NUP210L: variants seen among roughly 807,000 people sequenced by gnomAD.
NUP210L encodes the protein nuclear pore membrane glycoprotein 210-like.
In NUP210L, 74 loss-of-function variants were observed where a neutral mutation model predicts 208.5. That is an observed-to-expected ratio of 0.35 (90% CI 0.29 to 0.43). The LOEUF (loss-of-function observed/expected upper bound fraction) is 0.43. Among genes scored for constraint, NUP210L ranks in the 20% least tolerant of loss-of-function variants. The pLI is 1.00. For missense variants in NUP210L, 1,843 were observed against 2,289.4 expected (o/e 0.81, Z 3.98); for synonymous variants, 780 against 816.9 (o/e 0.95, Z 0.77).
At chr1:154,135,063 C>T (rs961091429) in intron 7 of NUP210L, among the ~76,000 whole-genome samples, 3 of 151,852 alleles carry the variant, frequency 2.0e-5, no homozygotes, top group African/African-American at 7.3e-5. Context: ...TTGTTCAATC[C>T]TTGCATAGCA....
intron 7 of NUP210L, among the ~76,000 whole-genome samples, chr1:154,133,232 G>A (rs540620413): frequency 2.0e-5 from 3 of 152,120 alleles, no homozygotes; most frequent in African/African-American, 7.2e-5. Flanking sequence ...TTGTGCCAGT[G>A]TCGCCTCATC....
At chr1:154,107,457 G>C (rs1656824115) in intron 12 of NUP210L, among the ~76,000 whole-genome samples, 1 of 146,366 alleles carries the variant, frequency 6.8e-6, no homozygotes, top group Admixed American at 7.1e-5. Context: ...CTGGACAACA[G>C]AGTGAGACTC....
chr1:154,070,459 C>A lies in NUP210L; in HGVS notation c.2368G>T (p.Val790Leu), dbSNP rs1328214190. Residue 790 changes from valine to leucine, a missense_variant, in exon 17 of 40, where the codon GTA becomes TTA. Transcript: ENST00000368559. ...AGGACTGTGTCCCTCAGTCTTGATA[C>A]AGGAATCTGCATTAAAATAAAAAGT... The A allele has an allele frequency of 7.1e-6, 11 of 1,550,728 alleles. No individual in the cohort carries two copies. The South Asian group carries it at 1.4e-4, about 19-fold the overall frequency.
At chr1:154,068,756 A>G (rs1654541530) in intron 17 of NUP210L, among the ~76,000 whole-genome samples, 1 of 151,090 alleles carries the variant, frequency 6.6e-6, no homozygotes, top group Non-Finnish European at 1.5e-5. Flanking sequence ...ATTCTCACTC[A>G]TAGGTGGGAA....
In NUP210L at chr1:154,001,999, AG is replaced by A; in HGVS notation, c.4931-15del. ...AGACATAAACCCCTGGAAAAAAAAG[AG>A]GAAAAACTGAGCAGGAAGGTTCAGA... On this transcript the variant is annotated splice_polypyrimidine_tract_variant and intron_variant, in intron 35 of 39. Transcript: ENST00000368559. The A allele has an allele frequency of 6.2e-7, 1 of 1,611,380 alleles. No homozygotes were observed. The highest frequency in any genetic ancestry group is 8.5e-7 in the Non-Finnish European group (1 of 1,178,020).
Position 154,108,142 on chromosome 1 carries a change from A to G in NUP210L, c.1621-3932T>C, listed in dbSNP as rs192370074. ...AGTTAAAAAGCAGGGGAATGAAATT[A>G]AAGTGTAGAAGTTTTTGTTTTTGTT... On this transcript the variant is annotated intron_variant, in intron 12 of 39. Transcript: ENST00000368559. Among the ~76,000 whole-genome samples, 5 of 152,124 alleles carry G rather than the reference A, an allele frequency of 3.3e-5. No individual in the cohort carries two copies. The East Asian group carries it at 9.7e-4, about 29-fold the overall frequency.
At chr1:154,025,806 G>T in intron 29 of NUP210L, 90 bp from the exon 30 acceptor site, 1 of 1,128,236 alleles carries the variant, frequency 8.9e-7, no homozygotes, top group Non-Finnish European at 1.3e-6. Context: ...ACTGTTAGGG[G>T]ATGTACTCGA....
intron 24 of NUP210L, 28 bp downstream of exon 24, chr1:154,054,742 A>G: frequency 6.6e-7 from 1 of 1,517,918 alleles, no homozygotes; most frequent in South Asian, 1.1e-5. Flanking sequence ...GAAAAGGTAA[A>G]TCTTATTTTT....
At chr1:154,117,212 G>A (rs1463623847) in intron 12 of NUP210L, among the ~76,000 whole-genome samples, 1 of 152,106 alleles carries the variant, frequency 6.6e-6, no homozygotes, top group Non-Finnish European at 1.5e-5. Flanking sequence ...ATCCTATGAG[G>A]AAACAAACAT....
intron 10 of NUP210L, among the ~76,000 whole-genome samples, chr1:154,119,561 C>T (rs1419895140): frequency 6.6e-6 from 1 of 152,016 alleles, no homozygotes. Context: ...GCACTCCAGC[C>T]TGGGCAACAA....
intron 35 of NUP210L, among the ~76,000 whole-genome samples, chr1:154,006,598 A>G (rs940146745): frequency 4.6e-5 from 7 of 151,042 alleles, no homozygotes; most frequent in Admixed American, 3.3e-4. Context: ...GGTTCAAGCA[A>G]TTCTCCTGCC....
intron 29 of NUP210L, among the ~76,000 whole-genome samples, chr1:154,026,621 T>A (rs1476593213): frequency 6.6e-6 from 1 of 152,096 alleles, no homozygotes; most frequent in African/African-American, 2.4e-5. Flanking sequence ...GGCCTGGGAT[T>A]ACAGGCATGA....
chr1:153,998,308 AT>A (rs1377043940), intron 37 of NUP210L, among the ~76,000 whole-genome samples: 2 of 152,128 alleles, frequency 1.3e-5, no homozygotes, highest in African/African-American at 4.8e-5. Flanking sequence ...TAATCCCATC[AT>A]TTTGGGAGGC....
intron 37 of NUP210L, among the ~76,000 whole-genome samples, chr1:153,998,779 G>A (rs1393723652): frequency 2.0e-5 from 3 of 148,696 alleles, no homozygotes. Flanking sequence ...GAGTGCAGTG[G>A]TGTGATCATG....
At chr1:154,089,054 T>G (rs987948449) in intron 16 of NUP210L, among the ~76,000 whole-genome samples, 1 of 152,194 alleles carries the variant, frequency 6.6e-6, no homozygotes, top group Admixed American at 6.6e-5. Context: ...TGTAGTCAGA[T>G]CTCAAGTGTC....
chr1:154,032,535 C>CT (rs1652289916), intron 27 of NUP210L, among the ~76,000 whole-genome samples: 1 of 151,856 alleles, frequency 6.6e-6, no homozygotes, highest in Non-Finnish European at 1.5e-5. Flanking sequence ...CAGTCTCCCT[C>CT]TGTCACCCAG....
At chr1:153,997,669 C>T (rs192362081) in intron 37 of NUP210L, among the ~76,000 whole-genome samples, 10 of 149,438 alleles carry the variant, frequency 6.7e-5, no homozygotes, top group Non-Finnish European at 1.5e-4. Context: ...TGCCATGTTG[C>T]CCAGGCTGGT....
At chr1:154,000,041 G>C (rs1650119301) in intron 37 of NUP210L, among the ~76,000 whole-genome samples, 1 of 151,882 alleles carries the variant, frequency 6.6e-6, no homozygotes, top group Non-Finnish European at 1.5e-5. Context: ...TTGTTCCCCA[G>C]GCTGGTCTTG....
At chr1:154,034,228 A>G (rs1347592809) in intron 27 of NUP210L, among the ~76,000 whole-genome samples, 1 of 151,712 alleles carries the variant, frequency 6.6e-6, no homozygotes, top group Non-Finnish European at 1.5e-5. Flanking sequence ...CTCCTCCTCT[A>G]TTTTTCAGAA....
Sources: gnomAD v4.1 joint callset for allele counts (sites outside exome capture counted in the v4.1 genomes callset) on GRCh38, gnomAD v4.1.1 for gene constraint, MANE v1.5 for transcripts, NCBI Gene and HGNC (gene_info 2026-07-23, HGNC 2026-07-21) for gene names.